KCND2: variants seen among roughly 807,000 people sequenced by gnomAD.
The protein encoded by KCND2 is potassium voltage-gated channel subfamily D member 2.
KCND2 carries 16 observed loss-of-function variants against 54.4 expected under a neutral mutation model. The ratio of observed to expected loss-of-function variants is 0.29; its 90% CI spans 0.20 to 0.45. The LOEUF (loss-of-function observed/expected upper bound fraction) is 0.45, where lower values mean the gene tolerates loss of function less well. Ranked by LOEUF, KCND2 falls within the 20% of genes least tolerant of loss-of-function variation. The pLI is 1.00. For synonymous variants in KCND2, 317 were observed against 310.7 expected (o/e 1.02, Z -0.21); for missense variants, 486 against 824.2 (o/e 0.59, Z 5.02).
chr7:120,591,068 C>T (rs947616906), intron 1 of KCND2, among the ~76,000 whole-genome samples: 1 of 152,176 alleles, frequency 6.6e-6, no homozygotes, highest in Admixed American at 6.5e-5. Flanking sequence ...CAATTTCCCA[C>T]ACATTTTCTT....
intron 1 of KCND2, among the ~76,000 whole-genome samples, chr7:120,276,374 C>A (rs916361308): frequency 6.6e-6 from 1 of 152,080 alleles, no homozygotes; most frequent in Non-Finnish European, 1.5e-5. Flanking sequence ...ATCAACTCTA[C>A]AATATGCAGT....
intron 1 of KCND2, among the ~76,000 whole-genome samples, chr7:120,660,339 A>G (rs2116558731): frequency 6.6e-6 from 1 of 152,360 alleles, no homozygotes; most frequent in Non-Finnish European, 1.5e-5. Flanking sequence ...CAATGATTAT[A>G]TAAAGAAAGC....
At chr7:120,435,563 G>A (rs1801853871) in intron 1 of KCND2, among the ~76,000 whole-genome samples, 1 of 151,852 alleles carries the variant, frequency 6.6e-6, no homozygotes. Flanking sequence ...AAAGCAAACT[G>A]TAATGATGAT....
intron 1 of KCND2, among the ~76,000 whole-genome samples, chr7:120,294,727 A>G (rs1482750735): frequency 6.6e-6 from 1 of 151,886 alleles, no homozygotes; most frequent in East Asian, 1.9e-4. Flanking sequence ...AGATTTGAAG[A>G]AACATATTCT....
At chr7:120,391,606 A>G (rs1342033102) in intron 1 of KCND2, among the ~76,000 whole-genome samples, 1 of 152,076 alleles carries the variant, frequency 6.6e-6, no homozygotes. Context: ...AATGATCACC[A>G]TTCTAACTGG....
intron 1 of KCND2, among the ~76,000 whole-genome samples, chr7:120,652,461 C>A (rs1293204860): frequency 6.6e-6 from 1 of 152,114 alleles, no homozygotes; most frequent in Non-Finnish European, 1.5e-5. Context: ...CTGTGGATGT[C>A]CCCATGCACT....
chr7:120,581,168 A>G (rs1398492065), intron 1 of KCND2, among the ~76,000 whole-genome samples: 1 of 152,226 alleles, frequency 6.6e-6, no homozygotes, highest in Non-Finnish European at 1.5e-5. Flanking sequence ...GAGTTTTCTA[A>G]GCTTATTCAT....
At chr7:120,283,988 G>A (rs184211309) in intron 1 of KCND2, among the ~76,000 whole-genome samples, 2 of 152,116 alleles carry the variant, frequency 1.3e-5, no homozygotes, top group East Asian at 3.9e-4. Flanking sequence ...GCTTTGATAA[G>A]AATCACCATG....
chr7:120,406,674 A>G (rs1447971330), intron 1 of KCND2, among the ~76,000 whole-genome samples: 2 of 152,062 alleles, frequency 1.3e-5, no homozygotes, highest in South Asian at 4.1e-4. Context: ...TGAGATACAC[A>G]TTAATGCAAA....
intron 1 of KCND2, among the ~76,000 whole-genome samples, chr7:120,702,553 A>G (rs1354398872): frequency 6.6e-6 from 1 of 152,196 alleles, no homozygotes; most frequent in Non-Finnish European, 1.5e-5. Context: ...ATGTCCATCA[A>G]TAGTAGACTG....
chr7:120,393,181 T>C (rs1801103092), intron 1 of KCND2, among the ~76,000 whole-genome samples: 1 of 152,024 alleles, frequency 6.6e-6, no homozygotes, highest in Admixed American at 6.6e-5. Context: ...CTGTGTGACC[T>C]TGGGACAATA....
chr7:120,604,528 TAATAATAA>T, intron 1 of KCND2, among the ~76,000 whole-genome samples: 1 of 146,662 alleles, frequency 6.8e-6, no homozygotes, highest in African/African-American at 2.5e-5. Flanking sequence ...ATAATAATAA[TAATAATAA>T]TAATAATAAT....
chr7:120,319,606 C>T (rs1799863584), intron 1 of KCND2, among the ~76,000 whole-genome samples: 1 of 152,082 alleles, frequency 6.6e-6, no homozygotes, highest in Non-Finnish European at 1.5e-5. Flanking sequence ...ATATCTAAAA[C>T]ATACCATGTT....
At chr7:120,345,042 A>G (rs528990210) in intron 1 of KCND2, among the ~76,000 whole-genome samples, 3 of 152,344 alleles carry the variant, frequency 2.0e-5, no homozygotes, top group Admixed American at 6.5e-5. Context: ...ATAGGGGAAG[A>G]GCGTTGAACT....
rs867972705 is a variant in KCND2 at position 120,737,069 on chromosome 7, C to A, written c.1278+4004C>A. ...ACACACACACACACACACACACACACACACACAAACAAAAAAAAAAAAAAC... is the reference window on the plus strand; with the variant it reads ...ACACACACACACACACACACACACAAACACACAAACAAAAAAAAAAAAAAC... On this transcript the variant is annotated intron_variant, in intron 2 of 5. Transcript: ENST00000331113. Among the ~76,000 whole-genome samples the A allele has an allele frequency of 3.2e-3, 431 of 134,904 alleles. 3 individuals are homozygous for A. The highest frequency in any genetic ancestry group is 1.0e-2 in the African/African-American group (372 of 37,306). The allele number at this position is 134,904 out of a possible 152,430, so 88.5% of individuals were successfully genotyped here.
At chr7:120,543,961 C>G (rs899652833) in intron 1 of KCND2, among the ~76,000 whole-genome samples, 1 of 151,884 alleles carries the variant, frequency 6.6e-6, no homozygotes, top group Non-Finnish European at 1.5e-5. Context: ...CCCTAACCAA[C>G]TAGTCTGGAA....
intron 1 of KCND2, among the ~76,000 whole-genome samples, chr7:120,295,585 A>T (rs1799501207): frequency 6.6e-6 from 1 of 151,996 alleles, no homozygotes; most frequent in Non-Finnish European, 1.5e-5. Context: ...TATCAAGAGG[A>T]ATGGGAATAA....
At chr7:120,520,506 A>G (rs1350281358) in intron 1 of KCND2, among the ~76,000 whole-genome samples, 8 of 152,130 alleles carry the variant, frequency 5.3e-5, no homozygotes, top group Non-Finnish European at 1.2e-4. Context: ...GGTTAGAGGA[A>G]ATACACATGA....
intron 1 of KCND2, among the ~76,000 whole-genome samples, chr7:120,436,272 T>C (rs1298420334): frequency 1.3e-5 from 2 of 152,346 alleles, no homozygotes; most frequent in Non-Finnish European, 1.5e-5. Context: ...TAATGGACTT[T>C]AATATGTACT....
Sources: gnomAD v4.1 joint callset for allele counts (sites outside exome capture counted in the v4.1 genomes callset) on GRCh38, gnomAD v4.1.1 for gene constraint, MANE v1.5 for transcripts, NCBI Gene and HGNC (gene_info 2026-07-23, HGNC 2026-07-21) for gene names.